Variants in SKA1 observed in about 807,000 individuals in gnomAD.
SKA1 encodes the protein spindle and kinetochore associated complex subunit 1.
In SKA1, 20 loss-of-function variants were observed where a neutral mutation model predicts 31.8. The ratio of observed to expected loss-of-function variants is 0.63; its 90% CI spans 0.44 to 0.91. SKA1 has a LOEUF of 0.91. Among genes scored for constraint, SKA1 ranks in the 40% least tolerant of loss-of-function variants. SKA1 has a pLI of 0.00. For synonymous variants in SKA1, 88 were observed against 100.5 expected (o/e 0.88, Z 0.74); for missense variants, 253 against 298.2 (o/e 0.85, Z 1.12).
At chr18:50,383,499 A>G (rs74638468) in intron 4 of SKA1, among the ~76,000 whole-genome samples, 2,773 of 151,986 alleles carry the variant, frequency 0.018, 65 homozygotes, top group East Asian at 0.085. Flanking sequence ...ATGGCCTGCT[A>G]TTTTCTCCTC....
In SKA1 at chr18:50,375,811, T is replaced by A. The variant is rs1304679502; in HGVS notation, c.-11-9T>A. On this transcript the variant is annotated splice_polypyrimidine_tract_variant and intron_variant, in intron 1 of 6. Transcript: ENST00000285116. ...CTTGTTACGAATATGTTTATGTTTT[T>A]TTCTTCAGAGGCTTAAAGGATGGCC... The A allele has an allele frequency of 6.5e-7, 1 of 1,535,910 alleles. No individual in the cohort carries two copies. Among genetic ancestry groups the A allele is most frequent in the Non-Finnish European group, 8.8e-7 (1 of 1,135,028 alleles).
chr18:50,382,679 C>T (rs984273659), intron 4 of SKA1, among the ~76,000 whole-genome samples: 5 of 151,912 alleles, frequency 3.3e-5, no homozygotes, highest in African/African-American at 9.7e-5. Context: ...AAATCTTCCC[C>T]GACCATTGAG....
In SKA1 at chr18:50,375,908, A is replaced by G; in HGVS notation, c.78A>G (p.Leu26=). The G allele has an allele frequency of 1.3e-6, 2 of 1,593,362 alleles. No individual in the cohort carries two copies. The highest frequency in any genetic ancestry group is 1.7e-6 in the Non-Finnish European group (2 of 1,164,292). The change falls in exon 2 of 7, where the codon TTA becomes TTG. Residue 26 remains leucine (L), a synonymous_variant. Coordinates refer to ENST00000285116, the MANE Select transcript of SKA1 (RefSeq NM_145060.4). The part of the protein sequence containing the change: ...KIGNIKKTLS[L]RNCGQEPTLK... ...GCAATATTAAGAAAACCTTATCATT[A>G]AGAAACTGTGGTAAGTAAAACAGAT...
At chr18:50,390,649 T>C (rs571829420) in intron 5 of SKA1, among the ~76,000 whole-genome samples, 1 of 152,338 alleles carries the variant, frequency 6.6e-6, no homozygotes, top group African/African-American at 2.4e-5. Flanking sequence ...ATTGTCAACT[T>C]TGTTGTGGTC....
At chr18:50,387,380 A>G (rs1352428902) in intron 5 of SKA1, among the ~76,000 whole-genome samples, 2 of 152,196 alleles carry the variant, frequency 1.3e-5, no homozygotes, top group African/African-American at 4.8e-5. Flanking sequence ...ATCTTCTTTG[A>G]TGAGATATCT....
intron 2 of SKA1, among the ~76,000 whole-genome samples, chr18:50,378,288 A>C (rs2041237485): frequency 6.6e-6 from 1 of 152,180 alleles, no homozygotes; most frequent in Admixed American, 6.5e-5. Flanking sequence ...GTCAACTGTC[A>C]TTTTGTATGG....
chr18:50,381,722 GGTTTTT>G (rs2041264138), intron 3 of SKA1, among the ~76,000 whole-genome samples: 2 of 125,882 alleles, frequency 1.6e-5, no homozygotes, highest in Non-Finnish European at 3.2e-5. Flanking sequence ...CAGTCAATGT[GGTTTTT>G]TTTTTTTTTT....
chr18:50,381,988 G>T (rs2041267484), intron 3 of SKA1, 141 bp from the exon 4 acceptor site: 4 of 575,290 alleles, frequency 7.0e-6, no homozygotes, highest in Middle Eastern at 2.8e-4. Flanking sequence ...GCCTCCCAAG[G>T]TGCTGGGATT....
chr18:50,380,351 T>C, intron 3 of SKA1, 101 bp downstream of exon 3: 1 of 1,252,078 alleles, frequency 8.0e-7, no homozygotes, highest in Non-Finnish European at 1.1e-6. Flanking sequence ...ATGTTTTTTG[T>C]TTATAAATTA....
intron 3 of SKA1, among the ~76,000 whole-genome samples, chr18:50,380,739 T>A (rs1480165030): frequency 1.3e-5 from 2 of 152,360 alleles, no homozygotes; most frequent in Admixed American, 1.3e-4. Context: ...ATAAGGGTTC[T>A]CAGGTAAAGA....
At chr18:50,385,145 G>C in intron 4 of SKA1, 71 bp from the exon 5 acceptor site, 1 of 1,278,104 alleles carries the variant, frequency 7.8e-7, no homozygotes, top group East Asian at 2.5e-5. Context: ...ATTATTTTCA[G>C]TTGGGAAAAC....
chr18:50,384,651 A>AGAAGCCATTAAGCCGT (rs1568329664), intron 4 of SKA1, among the ~76,000 whole-genome samples: 1 of 130,640 alleles, frequency 7.7e-6, no homozygotes, highest in African/African-American at 3.8e-5. Flanking sequence ...AAGGGGTTAG[A>AGAAGCCATTAAGCCGT]ACAATGAGAT....
At chr18:50,389,167 C>G (rs1364339085) in intron 5 of SKA1, among the ~76,000 whole-genome samples, 5 of 152,070 alleles carry the variant, frequency 3.3e-5, no homozygotes, top group African/African-American at 1.2e-4. Flanking sequence ...GTGCTACATA[C>G]CAGTTTTTAC....
rs752348361 is a variant in SKA1 at position 50,376,059 on chromosome 18, A to G, written c.88+141A>G. The stretch of plus-strand genomic sequence containing the variant: ...GCATAACGATTTTTTAAATAGTCCA[A>G]TGTCATTTTGAATATTGTGGAGGAT... On this transcript the variant is annotated intron_variant, in intron 2 of 6. Transcript: ENST00000285116. 1.4e-4 allele frequency: 79 copies of G among 559,856 alleles called. No homozygotes were observed. In the South Asian group the frequency reaches 1.5e-3, roughly 10 times the overall value. The allele number at this position is 559,856 out of a possible 1,614,324, so 34.7% of individuals were successfully genotyped here.
chr18:50,382,293 C>T lies in SKA1; in HGVS notation c.311+67C>T, dbSNP rs147315380. The T allele has an allele frequency of 7.4e-4, 742 of 998,624 alleles. 3 individuals are homozygous for T. In the African/African-American group the frequency reaches 0.011, roughly 14 times the overall value. The allele number at this position is 998,624 out of a possible 1,614,324, so 61.9% of individuals were successfully genotyped here. A position where few individuals can be genotyped will look rare whatever the true frequency, so the allele number is the denominator to read the frequency against. On this transcript the variant is annotated intron_variant, in intron 4 of 6. Coordinates refer to ENST00000285116, the MANE Select transcript of SKA1 (RefSeq NM_145060.4). ...ACCCATGAAAACAAGTTCTTCAAAG[C>T]CTTTTGTTCTTTCATATACTTGCAG...
chr18:50,381,170 A>C (rs2041258955), intron 3 of SKA1, among the ~76,000 whole-genome samples: 1 of 152,250 alleles, frequency 6.6e-6, no homozygotes, highest in Non-Finnish European at 1.5e-5. Context: ...ACTGAAGGCT[A>C]TTTGGAATTT....
chr18:50,380,695 A>G (rs944500088), intron 3 of SKA1, among the ~76,000 whole-genome samples: 1 of 152,158 alleles, frequency 6.6e-6, no homozygotes, highest in East Asian at 1.9e-4. Context: ...GCTCCCTTAT[A>G]TGTCTATATT....
chr18:50,380,294 A>G, intron 3 of SKA1, 44 bp downstream of exon 3: 1 of 1,505,554 alleles, frequency 6.6e-7, no homozygotes, highest in Non-Finnish European at 8.8e-7. Context: ...GACAATACAT[A>G]CAAACTCCCT....
chr18:50,380,121 A>G lies in SKA1; in HGVS notation c.89-5A>G, dbSNP rs764902076. On this transcript the variant is annotated splice_region_variant and splice_polypyrimidine_tract_variant and intron_variant, in intron 2 of 6. Coordinates refer to ENST00000285116, the MANE Select transcript of SKA1 (RefSeq NM_145060.4). ...TGTTTTCTATTTTATTTTTGTTTAT[A>G]ACAGGCCAGGAACCTACCTTGAAAA... The G allele has an allele frequency of 6.6e-7, 1 of 1,510,442 alleles. No homozygotes were observed. Among genetic ancestry groups the G allele is most frequent in the Non-Finnish European group, 8.8e-7 (1 of 1,137,558 alleles). The allele number at this position is 1,510,442 out of a possible 1,614,324, so 93.6% of individuals were successfully genotyped here. A position where few individuals can be genotyped will look rare whatever the true frequency, so the allele number is the denominator to read the frequency against.
Sources: gnomAD v4.1 joint callset for allele counts (sites outside exome capture counted in the v4.1 genomes callset) on GRCh38, gnomAD v4.1.1 for gene constraint, MANE v1.5 for transcripts, NCBI Gene and HGNC (gene_info 2026-07-23, HGNC 2026-07-21) for gene names.